ARHGAP17: variants seen among roughly 807,000 people sequenced by gnomAD.
The protein encoded by ARHGAP17 is rho GTPase-activating protein 17.
Under a neutral mutation model 99.5 loss-of-function variants are expected in ARHGAP17, and 57 were observed. That is an observed-to-expected ratio of 0.57 (90% confidence interval 0.46 to 0.71). The LOEUF (loss-of-function observed/expected upper bound fraction) is 0.71, where lower values mean the gene tolerates loss of function less well. Among genes scored for constraint, ARHGAP17 ranks in the 30% least tolerant of loss-of-function variants. The pLI, the probability that ARHGAP17 is intolerant of heterozygous loss-of-function variation, is 0.00. For missense variants in ARHGAP17, 1,000 were observed against 1,122.4 expected (o/e 0.89, Z 1.56); for synonymous variants, 417 against 429.6 (o/e 0.97, Z 0.36).
intron 18 of ARHGAP17, among the ~76,000 whole-genome samples, chr16:24,932,315 A>G (rs2051016461): frequency 6.6e-6 from 1 of 152,202 alleles, no homozygotes; most frequent in Non-Finnish European, 1.5e-5. Context: ...AATTAAGTAC[A>G]TTATGCACAT....
At chr16:25,004,916 G>C (rs1490934591) in intron 1 of ARHGAP17, among the ~76,000 whole-genome samples, 2 of 152,118 alleles carry the variant, frequency 1.3e-5, no homozygotes, top group African/African-American at 4.8e-5. Flanking sequence ...GAAATGAACT[G>C]AATATTGTTT....
At chr16:24,968,480 C>G in intron 5 of ARHGAP17, 53 bp from the exon 6 acceptor site, 1 of 1,600,808 alleles carries the variant, frequency 6.2e-7, no homozygotes. Flanking sequence ...TTAGGTTAAC[C>G]ATTTTAAAGT....
At chr16:24,926,203 T>C (rs2050840075) in intron 19 of ARHGAP17, among the ~76,000 whole-genome samples, 1 of 152,136 alleles carries the variant, frequency 6.6e-6, no homozygotes, top group Admixed American at 6.5e-5. Flanking sequence ...ACTTTTTCAA[T>C]TGTATAGCTA....
intron 1 of ARHGAP17, among the ~76,000 whole-genome samples, chr16:24,980,940 C>T (rs1380337256): frequency 2.0e-5 from 3 of 151,972 alleles, no homozygotes; most frequent in African/African-American, 7.2e-5. Flanking sequence ...AAAATTTTCA[C>T]AAGTTCAAAA....
intron 1 of ARHGAP17, among the ~76,000 whole-genome samples, chr16:25,002,777 G>A (rs1291812996): frequency 1.3e-5 from 2 of 152,102 alleles, no homozygotes; most frequent in Admixed American, 6.6e-5. Context: ...GATGGCTCAC[G>A]CCTGTAATCC....
chr16:25,000,232 G>A (rs774811365), intron 1 of ARHGAP17, among the ~76,000 whole-genome samples: 3 of 152,276 alleles, frequency 2.0e-5, no homozygotes, highest in East Asian at 3.9e-4. Context: ...ATTCTTGAGG[G>A]AAAGTAATTT....
chr16:25,006,365 G>A (rs535069146), intron 1 of ARHGAP17, among the ~76,000 whole-genome samples: 4 of 150,700 alleles, frequency 2.7e-5, no homozygotes, highest in East Asian at 1.9e-4. Context: ...CAGGAGAATC[G>A]CTTGAACCCG....
At chr16:24,929,513 G>A in intron 19 of ARHGAP17, 1 of 855,454 alleles carries the variant, frequency 1.2e-6, no homozygotes, top group Non-Finnish European at 1.4e-6. Context: ...GGCTGCTCCT[G>A]AGCACATGGT....
chr16:24,990,311 C>T (rs2141423209), intron 1 of ARHGAP17, among the ~76,000 whole-genome samples: 1 of 152,164 alleles, frequency 6.6e-6, no homozygotes, highest in Admixed American at 6.5e-5. Flanking sequence ...ACAGGGACAC[C>T]TCCATCTATA....
At chr16:24,954,989 G>GTTTTTTAA in intron 9 of ARHGAP17, 4 of 432,016 alleles carry the variant, frequency 9.3e-6, no homozygotes, top group South Asian at 3.4e-5. Context: ...AGAAGCTGCA[G>GTTTTTTAA]TGGCACGCTG....
intron 16 of ARHGAP17, chr16:24,939,824 T>C (rs969407793): frequency 2.2e-5 from 13 of 579,110 alleles, no homozygotes; most frequent in African/African-American, 1.9e-4. Context: ...TTTGATCAAT[T>C]TGGGTGTGAG....
At chr16:24,995,644 T>A (rs916897536) in intron 1 of ARHGAP17, among the ~76,000 whole-genome samples, 1 of 152,106 alleles carries the variant, frequency 6.6e-6, no homozygotes, top group Admixed American at 6.5e-5. Context: ...ACCACCAGGG[T>A]GGGCAGGAGA....
At chr16:24,947,070 A>G (rs2051494675) in intron 14 of ARHGAP17, among the ~76,000 whole-genome samples, 1 of 152,220 alleles carries the variant, frequency 6.6e-6, no homozygotes, top group Non-Finnish European at 1.5e-5. Context: ...ATTAAAATGT[A>G]AAAATCTGTA....
intron 1 of ARHGAP17, among the ~76,000 whole-genome samples, chr16:24,998,142 A>G (rs1411845273): frequency 6.6e-6 from 1 of 152,006 alleles, no homozygotes; most frequent in Admixed American, 6.6e-5. Flanking sequence ...GGACTGGCTG[A>G]TGATGCAAAC....
At position 24,988,302 on chromosome 16, in the gene ARHGAP17, G is replaced by A. The variant is rs962406386; in HGVS notation, c.54-9297C>T. On this transcript the variant is annotated intron_variant, in intron 1 of 19. Transcript: ENST00000289968. ...CCTGCCACAAAGCAGTTTAAAAGCC[G>A]TAAGAGAGTTTACAGAACTCTAAAG... Among the ~76,000 whole-genome samples the A allele has an allele frequency of 5.9e-5, 9 of 152,280 alleles. No homozygotes were observed. The South Asian group carries it at 8.3e-4, about 14-fold the overall frequency.
At chr16:24,938,781 A>AG (rs2051216692) in intron 17 of ARHGAP17, among the ~76,000 whole-genome samples, 1 of 151,438 alleles carries the variant, frequency 6.6e-6, no homozygotes, top group Non-Finnish European at 1.5e-5. Flanking sequence ...CAGAAAAAAA[A>AG]AAAAAAAAAA....
chr16:24,944,509 C>G (rs1388996770), intron 14 of ARHGAP17, among the ~76,000 whole-genome samples: 1 of 152,206 alleles, frequency 6.6e-6, no homozygotes, highest in African/African-American at 2.4e-5. Flanking sequence ...AATAGCATCA[C>G]ACATGGGTGG....
chr16:24,952,760 A>G (rs1026186538), intron 11 of ARHGAP17, among the ~76,000 whole-genome samples, 171 bp downstream of exon 11: 1 of 152,222 alleles, frequency 6.6e-6, no homozygotes, highest in Non-Finnish European at 1.5e-5. Flanking sequence ...AGTAAAGAAG[A>G]CACAGTGTAC....
At chr16:24,968,289 G>C (rs1252413064) in intron 6 of ARHGAP17, 62 bp downstream of exon 6, 1 of 1,571,622 alleles carries the variant, frequency 6.4e-7, no homozygotes, top group Admixed American at 1.7e-5. Flanking sequence ...TCCACTGTCA[G>C]TGGTCTTCTC....
Sources: allele counts gnomAD v4.1 joint callset (sites outside exome capture counted in the v4.1 genomes callset), GRCh38; gene constraint gnomAD v4.1.1; transcripts MANE v1.5; gene names NCBI Gene and HGNC (gene_info 2026-07-23, HGNC 2026-07-21).